The following HMCN1 variants were observed in gnomAD, a reference collection of about 807,000 sequenced individuals.
The protein encoded by HMCN1 is hemicentin-1.
Under a neutral mutation model 625.9 loss-of-function variants are expected in HMCN1, and 321 were observed. The observed-to-expected ratio is 0.51, with a 90% CI of 0.47 to 0.56. HMCN1 has a LOEUF of 0.56. HMCN1 is among the 20% of genes least tolerant of loss of function. The pLI, the probability that HMCN1 is intolerant of heterozygous loss-of-function variation, is 0.00. For missense variants in HMCN1, 6,588 were observed against 6,887.3 expected (o/e 0.96, Z 1.54); for synonymous variants, 2,425 against 2,417.6 (o/e 1.00, Z -0.09).
At chr1:186,159,879 G>T (rs967038286) in intron 97 of HMCN1, among the ~76,000 whole-genome samples, 7 of 152,016 alleles carry the variant, frequency 4.6e-5, no homozygotes, top group South Asian at 2.1e-4. Context: ...GGTCTAAAAT[G>T]CTCTTTTTTG....
At chr1:185,838,671 A>G (rs1056645079) in intron 1 of HMCN1, among the ~76,000 whole-genome samples, 5 of 152,160 alleles carry the variant, frequency 3.3e-5, no homozygotes, top group Admixed American at 6.5e-5. Flanking sequence ...ATATTTCCCT[A>G]CAGTGACTGC....
At chr1:186,126,899 A>G (rs1661673470) in intron 82 of HMCN1, among the ~76,000 whole-genome samples, 1 of 152,088 alleles carries the variant, frequency 6.6e-6, no homozygotes, top group South Asian at 2.1e-4. Flanking sequence ...ATGAGAATCA[A>G]AGGTAGGGAG....
At chr1:186,154,267 C>G (rs1313743515) in intron 97 of HMCN1, among the ~76,000 whole-genome samples, 1 of 152,074 alleles carries the variant, frequency 6.6e-6, no homozygotes, top group Non-Finnish European at 1.5e-5. Context: ...TGTGGCGGGG[C>G]GTGGTGGCTC....
chr1:185,865,689 T>G, intron 3 of HMCN1, 52 bp from the exon 4 acceptor site: 1 of 1,542,304 alleles, frequency 6.5e-7, no homozygotes. Context: ...ACACATATTT[T>G]TTTATTTCTG....
intron 11 of HMCN1, among the ~76,000 whole-genome samples, chr1:185,951,507 T>C (rs1213892083): frequency 1.3e-5 from 2 of 149,896 alleles, no homozygotes; most frequent in Non-Finnish European, 3.0e-5. Flanking sequence ...TACCCGAAGC[T>C]CAGTGTCCAT....
intron 1 of HMCN1, among the ~76,000 whole-genome samples, chr1:185,817,192 G>C (rs1438248349): frequency 6.6e-6 from 1 of 152,168 alleles, no homozygotes; most frequent in African/African-American, 2.4e-5. Context: ...GTGTGTGCAA[G>C]AGACAAGTAG....
At chr1:185,752,828 C>T (rs1654902022) in intron 1 of HMCN1, among the ~76,000 whole-genome samples, 1 of 152,130 alleles carries the variant, frequency 6.6e-6, no homozygotes, top group Admixed American at 6.6e-5. Flanking sequence ...GGTTATACTT[C>T]CCATTAGGCT....
At chr1:185,957,922 C>T (rs1359190757) in intron 11 of HMCN1, among the ~76,000 whole-genome samples, 2 of 151,844 alleles carry the variant, frequency 1.3e-5, no homozygotes, top group Non-Finnish European at 2.9e-5. Flanking sequence ...ACATGTGCCA[C>T]GTGACATGGT....
In HMCN1 at chr1:186,117,588, T is replaced by C; in HGVS notation, c.11813T>C (p.Leu3938Pro). The C allele has an allele frequency of 6.2e-7, 1 of 1,613,866 alleles. No homozygotes were observed. The highest frequency in any genetic ancestry group is 8.5e-7 in the Non-Finnish European group (1 of 1,179,808). Residue 3938 changes from leucine to proline, a missense_variant, in exon 77 of 107, where the codon CTT becomes CCT. This residue lies in a region of HMCN1 where 4,628 missense variants were observed against 4,853.1 expected (regional missense o/e 0.95). Coordinates refer to ENST00000271588, the MANE Select transcript of HMCN1 (RefSeq NM_031935.3). Reference protein sequence around the residue: ...IHWTKNGIRLLPRGDGYRILS... With the variant: ...IHWTKNGIRLPPRGDGYRILS... ...TGGACCAAAAATGGTATAAGACTGCTTCCCAGGGGAGATGGCTATAGAATT... is the reference window on the plus strand; with the variant it reads ...TGGACCAAAAATGGTATAAGACTGCCTCCCAGGGGAGATGGCTATAGAATT...
At chr1:185,843,742 C>A (rs1661636076) in intron 1 of HMCN1, among the ~76,000 whole-genome samples, 1 of 152,172 alleles carries the variant, frequency 6.6e-6, no homozygotes, top group Non-Finnish European at 1.5e-5. Flanking sequence ...CTGAGTATTT[C>A]TCATAACTGA....
At chr1:185,774,641 C>T (rs1423069218) in intron 1 of HMCN1, among the ~76,000 whole-genome samples, 4 of 151,998 alleles carry the variant, frequency 2.6e-5, no homozygotes, top group African/African-American at 4.8e-5. Context: ...TGTAATCCCC[C>T]GTGGAATGCA....
rs142515074 is a variant in HMCN1, at chr1:185,887,237, A to G, written c.621+21374A>G. ...AAAATATGTTATGACACATTTTCTC[A>G]TCCATACTAAGCAGCAGTTTTTAAA... is the stretch of plus-strand genomic sequence containing the variant. On this transcript the variant is annotated intron_variant, in intron 4 of 106. Coordinates refer to ENST00000271588, the MANE Select transcript of HMCN1 (RefSeq NM_031935.3). 1.3e-5 allele frequency among the ~76,000 whole-genome samples: 2 copies of G among 152,262 alleles called. 1 individual carries two copies. Among genetic ancestry groups the G allele is most frequent in the East Asian group, 3.9e-4 (2 of 5,188 alleles).
rs1473222198 is a variant in HMCN1 at position 186,095,262 on chromosome 1, T to C, written c.10314T>C (p.Asn3438=). 3.7e-6 allele frequency: 6 copies of C among 1,613,720 alleles called. No homozygotes were observed. The highest frequency in any genetic ancestry group is 5.1e-6 in the Non-Finnish European group (6 of 1,179,784). The change falls in exon 68 of 107, where the codon AAT becomes AAC. Residue 3438 remains asparagine (N), a synonymous_variant. Coordinates refer to ENST00000271588, the MANE Select transcript of HMCN1 (RefSeq NM_031935.3). ...LQVFAPPNMD[N]SMGTEEITVL... is the part of the protein sequence containing the mutation. ...ATGTAGCACCACCAAATATGGACAATTCAATGGGGACAGAGGAAATCACAG... is the reference window on the plus strand; with the variant it reads ...ATGTAGCACCACCAAATATGGACAACTCAATGGGGACAGAGGAAATCACAG...
intron 2 of HMCN1, among the ~76,000 whole-genome samples, chr1:185,860,056 A>G (rs1034361385): frequency 6.6e-6 from 1 of 152,274 alleles, no homozygotes; most frequent in Non-Finnish European, 1.5e-5. Flanking sequence ...TTATAACAAG[A>G]TAATACTGTA....
chr1:185,780,396 A>T (rs956883583), intron 1 of HMCN1, among the ~76,000 whole-genome samples: 17 of 152,098 alleles, frequency 1.1e-4, no homozygotes, highest in East Asian at 3.9e-4. Flanking sequence ...TGAATAGGAG[A>T]GGTGAGAGAG....
chr1:186,116,153 T>G (rs532507519), intron 75 of HMCN1, among the ~76,000 whole-genome samples: 5 of 152,278 alleles, frequency 3.3e-5, no homozygotes, highest in Admixed American at 6.5e-5. Context: ...CCTTTTAATC[T>G]TTTGGCATTG....
intron 11 of HMCN1, among the ~76,000 whole-genome samples, chr1:185,944,372 AAT>A (rs1571595157): frequency 1.3e-5 from 2 of 152,198 alleles, no homozygotes; most frequent in Non-Finnish European, 2.9e-5. Flanking sequence ...GGTGCACTAA[AAT>A]CTCAGAATTT....
intron 60 of HMCN1, 22 bp from the exon 61 acceptor site, chr1:186,087,910 C>T (rs769094254): frequency 1.3e-6 from 2 of 1,589,850 alleles, no homozygotes; most frequent in Non-Finnish European, 1.7e-6. Flanking sequence ...GGAGCACATA[C>T]AATAGTATCT....
Position 185,981,015 on chromosome 1 carries a change from A to T in HMCN1, c.2604A>T (p.Glu868Asp), listed in dbSNP as rs1651594132. 6.2e-7 allele frequency: 1 copy of T among 1,612,558 alleles called. No individual in the cohort carries two copies. Among genetic ancestry groups the T allele is most frequent in the Admixed American group, 1.7e-5 (1 of 59,976 alleles). ...WASDKGTYICEAENQFGKIQS... is the reference protein window; with the variant it reads ...WASDKGTYICDAENQFGKIQS... ...GTGATAAAGGAACCTATATTTGTGAAGCTGAAAACCAGTTTGGAAAGATCC... is the reference window on the plus strand; with the variant it reads ...GTGATAAAGGAACCTATATTTGTGATGCTGAAAACCAGTTTGGAAAGATCC... Residue 868 changes from glutamate to aspartate, a missense_variant, in exon 17 of 107, where the codon GAA becomes GAT. Physicochemically the swap from Glu to Asp is conservative, Grantham distance 45. Coordinates refer to ENST00000271588, the MANE Select transcript of HMCN1 (RefSeq NM_031935.3).
Sources: gnomAD v4.1 joint callset for allele counts (sites outside exome capture counted in the v4.1 genomes callset) on GRCh38, gnomAD v4.1.1 for gene constraint, gnomAD v4.1.1 regional missense constraint, MANE v1.5 for transcripts, NCBI Gene and HGNC (gene_info 2026-07-23, HGNC 2026-07-21) for gene names.